The following TAF3 variants were observed in gnomAD, a reference collection of about 807,000 sequenced individuals.
TAF3 encodes TATA-box binding protein associated factor 3, also known as transcription initiation factor TFIID subunit 3.
TAF3 carries 7 observed loss-of-function variants against 80.6 expected under a neutral mutation model. The observed-to-expected ratio is 0.09, with a 90% CI of 0.05 to 0.16. TAF3 has a LOEUF of 0.16. Among genes scored for constraint, TAF3 ranks in the 10% least tolerant of loss-of-function variants. The probability of loss-of-function intolerance (pLI) is 1.00; values close to 1 mark genes in which losing one functional copy is unlikely to be tolerated. For synonymous variants in TAF3, 444 were observed against 446.1 expected (o/e 1.00, Z 0.06); for missense variants, 921 against 1,140.2 (o/e 0.81, Z 2.77).
chr10:7,977,248 T>C lies in TAF3; in HGVS notation c.2240T>C (p.Val747Ala). Residue 747 changes from valine to alanine, a missense_variant, in exon 4 of 7, where the codon GTG (valine) becomes GCG (alanine). Around this residue, in one of 6 missense-constraint regions of TAF3, gnomAD observed 743 missense variants for 821.0 expected, o/e 0.90. Transcript: ENST00000344293. ...ATGTGCTAACTTCCACAGATAAAAG[T>C]GGAACCAGTCGCTCTGGCCCCGAGT... ...KEKHKHEKIK[V>A]EPVALAPSPV... is the part of the protein sequence containing the mutation. 1 of 1,614,198 alleles carries C rather than the reference T, an allele frequency of 6.2e-7. No homozygotes were observed. Among genetic ancestry groups the C allele is most frequent in the Non-Finnish European group, 8.5e-7 (1 of 1,180,032 alleles).
intron 2 of TAF3, among the ~76,000 whole-genome samples, chr10:7,860,600 A>C (rs1837134547): frequency 6.6e-6 from 1 of 152,172 alleles, no homozygotes; most frequent in Admixed American, 6.5e-5. Context: ...TAAATGCTTG[A>C]TTTCTTTTAT....
intron 3 of TAF3, among the ~76,000 whole-genome samples, chr10:7,973,720 A>T (rs1452291636): frequency 6.6e-6 from 1 of 152,198 alleles, no homozygotes; most frequent in Non-Finnish European, 1.5e-5. Flanking sequence ...TATTTTTGTT[A>T]TATTTGTTTA....
At chr10:7,932,694 T>TTG (rs1564365871) in intron 2 of TAF3, among the ~76,000 whole-genome samples, 1 of 119,924 alleles carries the variant, frequency 8.3e-6, no homozygotes, top group African/African-American at 3.5e-5. Context: ...TTTTTTTTTT[T>TTG]GGAGAGAGGG....
chr10:7,840,221 C>T (rs1836897590), intron 2 of TAF3, among the ~76,000 whole-genome samples: 1 of 150,728 alleles, frequency 6.6e-6, no homozygotes, highest in East Asian at 2.0e-4. Context: ...GGCGCCATCT[C>T]GGCTCACTGC....
chr10:7,835,903 A>G (rs539192025), intron 2 of TAF3, among the ~76,000 whole-genome samples: 5 of 152,212 alleles, frequency 3.3e-5, no homozygotes, highest in East Asian at 1.9e-4. Flanking sequence ...AAGATGCACA[A>G]ACTACCTTGC....
At chr10:7,983,434 T>G (rs567516194) in intron 4 of TAF3, among the ~76,000 whole-genome samples, 1 of 152,202 alleles carries the variant, frequency 6.6e-6, no homozygotes, top group Non-Finnish European at 1.5e-5. Context: ...AGAACCTGGT[T>G]GGTGTACAAA....
intron 2 of TAF3, among the ~76,000 whole-genome samples, chr10:7,958,901 G>A (rs1838162485): frequency 6.6e-6 from 1 of 152,182 alleles, no homozygotes; most frequent in African/African-American, 2.4e-5. Context: ...TTGGGAGGCT[G>A]AGGTGGGCGG....
intron 2 of TAF3, among the ~76,000 whole-genome samples, chr10:7,847,467 C>CA (rs1431888630): frequency 2.0e-5 from 3 of 152,214 alleles, no homozygotes; most frequent in Admixed American, 2.0e-4. Context: ...TTTTTTAAGA[C>CA]AGAGTCTTGC....
At position 8,016,460 on chromosome 10, in the gene TAF3, C is replaced by T. The variant is rs1368914345; in HGVS notation, c.*1709C>T. The T allele has an allele frequency of 6.6e-6, 1 of 151,896 alleles. No homozygotes were observed. The highest frequency in any genetic ancestry group is 1.5e-5 in the Non-Finnish European group (1 of 68,018). The allele number at this position is 151,896 out of a possible 1,614,324, so 9.4% of individuals were successfully genotyped here. On this transcript the variant is annotated 3_prime_UTR_variant, in exon 7 of 7. Coordinates refer to ENST00000344293, the MANE Select transcript of TAF3 (RefSeq NM_031923.4). ...AGAGGCCAGAATTTTTCTATCCCCG[C>T]TAAGAAACAAAGCATCTATGTTGAG...
At chr10:7,941,807 C>A (rs1475322702) in intron 2 of TAF3, among the ~76,000 whole-genome samples, 6 of 152,114 alleles carry the variant, frequency 3.9e-5, no homozygotes, top group Non-Finnish European at 7.4e-5. Context: ...GGTGCTTGGT[C>A]TTAGAGAGCC....
chr10:7,984,678 T>G (rs1237955475), intron 4 of TAF3, among the ~76,000 whole-genome samples: 1 of 152,218 alleles, frequency 6.6e-6, no homozygotes, highest in Non-Finnish European at 1.5e-5. Flanking sequence ...AGTTGGAAAC[T>G]TTCTCTCCGC....
At chr10:7,846,735 T>C (rs1836976760) in intron 2 of TAF3, among the ~76,000 whole-genome samples, 1 of 152,238 alleles carries the variant, frequency 6.6e-6, no homozygotes. Flanking sequence ...AGGGATCATA[T>C]TTCCTGCATC....
In TAF3 at chr10:7,824,553, T is replaced by C. The variant is rs373692942; in HGVS notation, c.402T>C (p.Ser134=). ...ATTACCTGCCACCCATTGTGTCTTC[T>C]CAAGAAGGTTTGTGAGTGTTTCTTC... The part of the protein sequence containing the change: ...IPDYLPPIVS[S]QEEEEEEQVP... Residue 134 remains serine, a synonymous_variant, in exon 2 of 7, where the codon TCT becomes TCC. Coordinates refer to ENST00000344293, the MANE Select transcript of TAF3 (RefSeq NM_031923.4). The C allele has an allele frequency of 2.5e-6, 4 of 1,613,824 alleles. No individual in the cohort carries two copies. The highest frequency in any genetic ancestry group is 3.3e-5 in the Admixed American group (2 of 60,014).
intron 2 of TAF3, among the ~76,000 whole-genome samples, chr10:7,882,213 T>C (rs1421684342): frequency 6.6e-6 from 1 of 152,248 alleles, no homozygotes; most frequent in Non-Finnish European, 1.5e-5. Flanking sequence ...GCAGAGATCA[T>C]CTTATTGGAG....
chr10:7,832,722 G>A (rs1836813614), intron 2 of TAF3, among the ~76,000 whole-genome samples: 1 of 151,988 alleles, frequency 6.6e-6, no homozygotes, highest in Non-Finnish European at 1.5e-5. Context: ...GCTAATTTTT[G>A]TGTTTTTAGT....
At chr10:7,946,956 C>T (rs904921672) in intron 2 of TAF3, among the ~76,000 whole-genome samples, 1 of 152,096 alleles carries the variant, frequency 6.6e-6, no homozygotes, top group African/African-American at 2.4e-5. Flanking sequence ...GAGGCGGATT[C>T]TCGCTACACT....
chr10:7,961,797 C>T (rs943906102), intron 2 of TAF3, among the ~76,000 whole-genome samples: 4 of 152,098 alleles, frequency 2.6e-5, no homozygotes, highest in African/African-American at 9.7e-5. Context: ...TCCTTATTTC[C>T]TGTTTCTGTT....
At chr10:7,859,752 T>C (rs775690736) in intron 2 of TAF3, among the ~76,000 whole-genome samples, 2 of 152,234 alleles carry the variant, frequency 1.3e-5, no homozygotes, top group Non-Finnish European at 2.9e-5. Flanking sequence ...ATGTAATCCA[T>C]GAGAAGAGAT....
At chr10:7,842,198 G>GA (rs1428995742) in intron 2 of TAF3, among the ~76,000 whole-genome samples, 1 of 111,236 alleles carries the variant, frequency 9.0e-6, no homozygotes, top group Non-Finnish European at 1.7e-5. Flanking sequence ...TTTTGAGACA[G>GA]AGTCTTCCTC....
Sources: allele counts gnomAD v4.1 joint callset (sites outside exome capture counted in the v4.1 genomes callset), GRCh38; gene constraint gnomAD v4.1.1; regional missense constraint gnomAD v4.1.1; transcripts MANE v1.5; gene names NCBI Gene and HGNC (gene_info 2026-07-23, HGNC 2026-07-21).